HAS2: variants seen among roughly 807,000 people sequenced by gnomAD.
HAS2 encodes hyaluronan synthase 2.
In HAS2, 16 loss-of-function variants were observed where a neutral mutation model predicts 51.6. The observed-to-expected ratio is 0.31, with a 90% CI of 0.21 to 0.47. The LOEUF (loss-of-function observed/expected upper bound fraction) is 0.47. HAS2 is among the 20% of genes least tolerant of loss of function. The pLI is 1.00. For missense variants in HAS2, 361 were observed against 662.6 expected (o/e 0.54, Z 5.00); for synonymous variants, 228 against 235.5 (o/e 0.97, Z 0.29).
rs916380620 is a variant in HAS2 at position 121,612,843 on chromosome 8, T to A, written c.*1266A>T. The A allele has an allele frequency of 7.2e-5, 11 of 152,074 alleles. No homozygotes were observed. The highest frequency in any genetic ancestry group is 2.0e-4 in the Admixed American group (3 of 15,260). 9.4% of individuals were successfully genotyped at this position (152,074 alleles called of 1,614,324 possible). A position where few individuals can be genotyped will look rare whatever the true frequency, so the allele number is the denominator to read the frequency against. On this transcript the variant is annotated 3_prime_UTR_variant, in exon 4 of 4. Transcript: ENST00000303924. ...TCATTTGAAAGTAAAAGAGGATAGA[T>A]ACTTGGTGATTCTATCTGCCAATTT... is the stretch of plus-strand genomic sequence containing the variant.
chr8:121,626,724 T>C lies in HAS2; in HGVS notation c.627+1990A>G, dbSNP rs1046638221. Among the ~76,000 whole-genome samples, 7 of 152,236 alleles carry C rather than the reference T, an allele frequency of 4.6e-5. No individual in the cohort carries two copies. The East Asian group carries it at 1.4e-3, about 29-fold the overall frequency. On this transcript the variant is annotated intron_variant, in intron 2 of 3. Coordinates refer to ENST00000303924, the MANE Select transcript of HAS2 (RefSeq NM_005328.3). ...CTTAGGAAATTGCCATTTTTATAGG[T>C]CACACATGGTTAAATATCAGGGGAT... is the stretch of plus-strand genomic sequence containing the variant.
At chr8:121,618,721 TCAGA>T (rs1363066658) in intron 2 of HAS2, among the ~76,000 whole-genome samples, 1 of 152,222 alleles carries the variant, frequency 6.6e-6, no homozygotes, top group Non-Finnish European at 1.5e-5. Flanking sequence ...ATATCCCCAT[TCAGA>T]CAATGAATGG....
At chr8:121,633,096 A>G (rs1467927462) in intron 1 of HAS2, among the ~76,000 whole-genome samples, 1 of 151,888 alleles carries the variant, frequency 6.6e-6, no homozygotes, top group African/African-American at 2.4e-5. Context: ...TCATCGTATA[A>G]GGAAAGATTA....
intron 2 of HAS2, among the ~76,000 whole-genome samples, chr8:121,617,708 T>C (rs1162552081): frequency 6.6e-6 from 1 of 152,218 alleles, no homozygotes; most frequent in Non-Finnish European, 1.5e-5. Context: ...GTAATGATTT[T>C]ACCTTTCATT....
chr8:121,632,687 A>C (rs1018586237), intron 1 of HAS2, among the ~76,000 whole-genome samples: 4 of 152,196 alleles, frequency 2.6e-5, no homozygotes, highest in Non-Finnish European at 5.9e-5. Context: ...TGCCCAGCTT[A>C]TAGCTGCTGT....
intron 2 of HAS2, among the ~76,000 whole-genome samples, chr8:121,623,331 G>T (rs1348446998): frequency 6.6e-6 from 1 of 152,148 alleles, no homozygotes; most frequent in East Asian, 1.9e-4. Flanking sequence ...AAGGTGACGA[G>T]CCAGCTGGAA....
Position 121,614,448 on chromosome 8 carries a change from T to A in HAS2, c.1320A>T (p.Ser440=). 6.2e-7 allele frequency: 1 copy of A among 1,613,992 alleles called. No individual in the cohort carries two copies. The highest frequency in any genetic ancestry group is 8.5e-7 in the Non-Finnish European group (1 of 1,179,902). The change falls in exon 4 of 4, where the codon TCA becomes TCT. Residue 440 remains serine, a synonymous_variant. Coordinates refer to ENST00000303924, the MANE Select transcript of HAS2 (RefSeq NM_005328.3). This position sits in a 1 kb window ranked among gnomAD's most constrained non-coding sequence, Gnocchi z 7.2. ...GAAGTAAACTCGACATGTATAACAC[T>A]GAGTAGAGAGACATGAAGACCATGA... is the stretch of plus-strand genomic sequence containing the variant. ...NIVMVFMSLY[S]VLYMSSLLPA...
chr8:121,638,101 C>A (rs1008521930), intron 1 of HAS2, among the ~76,000 whole-genome samples: 8 of 152,108 alleles, frequency 5.3e-5, no homozygotes, highest in Non-Finnish European at 1.0e-4. Flanking sequence ...AATAAATGAA[C>A]CAGTGACAAG....
chr8:121,626,136 A>C (rs1037090216), intron 2 of HAS2, among the ~76,000 whole-genome samples: 13 of 152,198 alleles, frequency 8.5e-5, no homozygotes, highest in African/African-American at 3.1e-4. Flanking sequence ...AATAACTTTG[A>C]GACAAGAAGT....
chr8:121,631,801 A>T (rs1192954174), intron 1 of HAS2, among the ~76,000 whole-genome samples: 1 of 152,254 alleles, frequency 6.6e-6, no homozygotes, highest in Non-Finnish European at 1.5e-5. Flanking sequence ...TTCTCACAAG[A>T]GTGAAAAATT....
intron 1 of HAS2, 41 bp from the exon 2 acceptor site, chr8:121,629,381 G>A: frequency 6.6e-7 from 1 of 1,511,774 alleles, no homozygotes; most frequent in Non-Finnish European, 9.1e-7. Context: ...AACCATGATT[G>A]TCCCACACTT....
rs1813091407 is a variant in HAS2 at position 121,641,130 on chromosome 8, A to T, written c.-278T>A. The T allele has an allele frequency of 6.7e-6, 1 of 148,926 alleles. No homozygotes were observed. Among genetic ancestry groups the T allele is most frequent in the Non-Finnish European group, 1.5e-5 (1 of 67,422 alleles). The allele number at this position is 148,926 out of a possible 1,614,324, so 9.2% of individuals were successfully genotyped here. A position where few individuals can be genotyped will look rare whatever the true frequency, so the allele number is the denominator to read the frequency against. ...TTAAAAAAATTATGCTTTAAAAATA[A>T]ATTAACTTTTCTTTTTTCTTTTCTT... On this transcript the variant is annotated 5_prime_UTR_variant, in exon 1 of 4. Coordinates refer to ENST00000303924, the MANE Select transcript of HAS2 (RefSeq NM_005328.3).
At chr8:121,638,743 C>T (rs953109890) in intron 1 of HAS2, among the ~76,000 whole-genome samples, 2 of 152,174 alleles carry the variant, frequency 1.3e-5, no homozygotes, top group Admixed American at 6.5e-5. Flanking sequence ...ACTCAAAATA[C>T]AGTACCTCAG....
In HAS2 at chr8:121,613,918, T is replaced by C; in HGVS notation, c.*191A>G. On this transcript the variant is annotated 3_prime_UTR_variant, in exon 4 of 4. Transcript: ENST00000303924. ...ATTTTCATAGAAATAACAGGTTAAATCTGAGTTTCTTCTTGTTGATGTATT... is the reference window on the plus strand; with the variant it reads ...ATTTTCATAGAAATAACAGGTTAAACCTGAGTTTCTTCTTGTTGATGTATT... 1.3e-6 allele frequency: 1 copy of C among 760,990 alleles called. No individual in the cohort carries two copies. The highest frequency in any genetic ancestry group is 2.1e-6 in the Non-Finnish European group (1 of 476,268). 47.1% of individuals were successfully genotyped at this position (760,990 alleles called of 1,614,324 possible).
Position 121,614,128 on chromosome 8 carries a change from T to C in HAS2, c.1640A>G (p.Asp547Gly). 12 of 1,614,054 alleles carry C rather than the reference T, an allele frequency of 7.4e-6. No individual in the cohort carries two copies. Among genetic ancestry groups the C allele is most frequent in the Non-Finnish European group, 9.3e-6 (11 of 1,179,906 alleles). ...CGRRKKGQQYDMVLDV is the reference protein window; with the variant it reads ...CGRRKKGQQYGMVLDV ...GGAAGATCATACATCAAGCACCATGTCATATTGTTGTCCCTTCTTCCGCCT... is the reference window on the plus strand; with the variant it reads ...GGAAGATCATACATCAAGCACCATGCCATATTGTTGTCCCTTCTTCCGCCT... The change falls in exon 4 of 4, where the codon GAC (aspartate) becomes GGC (glycine). Residue 547 changes from aspartate to glycine, a missense_variant. Coordinates refer to ENST00000303924, the MANE Select transcript of HAS2 (RefSeq NM_005328.3). The surrounding 1 kb of genome is among the most constrained non-coding windows in gnomAD (Gnocchi z 7.2).
intron 1 of HAS2, chr8:121,640,087 C>G (rs1339885640): frequency 4.6e-5 from 7 of 152,374 alleles, no homozygotes; most frequent in South Asian, 2.1e-4. Context: ...CGGGCTGGCC[C>G]GGCGAGGAGA....
At chr8:121,626,154 G>C (rs1040853470) in intron 2 of HAS2, among the ~76,000 whole-genome samples, 10 of 152,242 alleles carry the variant, frequency 6.6e-5, no homozygotes, top group African/African-American at 2.4e-4. Flanking sequence ...AGTGAGGTTG[G>C]ATACTCTTGA....
chr8:121,628,104 G>A (rs1192499690), intron 2 of HAS2, among the ~76,000 whole-genome samples: 2 of 152,160 alleles, frequency 1.3e-5, no homozygotes, highest in African/African-American at 4.8e-5. Context: ...GTTGCAGTGA[G>A]TGAGGTAATG....
intron 1 of HAS2, among the ~76,000 whole-genome samples, chr8:121,630,308 A>G (rs1025895318): frequency 2.0e-5 from 3 of 152,192 alleles, no homozygotes; most frequent in Admixed American, 2.0e-4. Context: ...ACACGTTTCC[A>G]CTCAGTAATA....
Sources: gnomAD v4.1 joint callset for allele counts (sites outside exome capture counted in the v4.1 genomes callset) on GRCh38, gnomAD v4.1.1 for gene constraint, Gnocchi (gnomAD v3.1) non-coding constraint, MANE v1.5 for transcripts, NCBI Gene and HGNC (gene_info 2026-07-23, HGNC 2026-07-21) for gene names.